CFAP68: variants seen among roughly 807,000 people sequenced by gnomAD.
CFAP68 encodes cilia and flagella associated protein 68.
chr11:111,881,129 A>G, the CFAP68 span: 2 of 1,054,960 alleles, frequency 1.9e-6, no homozygotes, highest in South Asian at 4.3e-5. Context: ...CTGGATGAAA[A>G]TTAAAGACAA....
the CFAP68 span, chr11:111,881,618 A>G: frequency 2.6e-6 from 4 of 1,531,378 alleles, no homozygotes; most frequent in South Asian, 3.6e-5. Flanking sequence ...CAGGAAAGGT[A>G]TCATCTTCCT....
At chr11:111,881,414 A>G in the CFAP68 span, 1 of 1,531,236 alleles carries the variant, frequency 6.5e-7, no homozygotes, top group Non-Finnish European at 8.7e-7. Context: ...GTGGAAAGGC[A>G]AGTGGGTGGT....
the CFAP68 span, chr11:111,885,300 A>G: frequency 6.6e-6 from 1 of 152,326 alleles, no homozygotes; most frequent in Non-Finnish European, 1.5e-5. Context: ...CAACATAGCA[A>G]GACCCCATCT....
the CFAP68 span, chr11:111,883,736 A>G: frequency 1.4e-6 from 2 of 1,459,996 alleles, no homozygotes; most frequent in Non-Finnish European, 1.9e-6. Flanking sequence ...GACTGTTTTC[A>G]TTTGTCTTTC....
At chr11:111,879,618 C>T in the CFAP68 span, 30 of 1,610,504 alleles carry the variant, frequency 1.9e-5, no homozygotes, top group South Asian at 2.5e-4. Context: ...GCTTAAATCT[C>T]CTATCTTCTA....
the CFAP68 span, chr11:111,882,393 CA>C: frequency 6.8e-5 from 110 of 1,613,984 alleles, no homozygotes; most frequent in Non-Finnish European, 8.9e-5. Context: ...TGTTTCCTCA[CA>C]AACCCACACT....
At chr11:111,880,124 T>C in the CFAP68 span, among the ~76,000 whole-genome samples, 8 of 152,176 alleles carry the variant, frequency 5.3e-5, no homozygotes, top group South Asian at 8.3e-4. Context: ...TACGTGGATA[T>C]ATTGCACCCA....
the CFAP68 span, chr11:111,883,836 T>C: frequency 6.2e-7 from 1 of 1,613,666 alleles, no homozygotes. Context: ...CCGATACAAA[T>C]GCACAGAAAA....
chr11:111,881,464 T>G, the CFAP68 span: 1 of 1,536,016 alleles, frequency 6.5e-7, no homozygotes, highest in Non-Finnish European at 8.7e-7. Context: ...GTAATCTGGG[T>G]GATTCTTTCT....
the CFAP68 span, chr11:111,884,689 A>T: frequency 6.6e-6 from 1 of 152,192 alleles, no homozygotes; most frequent in Non-Finnish European, 1.5e-5. Flanking sequence ...GTAACTTTTT[A>T]AAATTATTAT....
the CFAP68 span, chr11:111,879,582 T>C: frequency 6.2e-7 from 1 of 1,614,202 alleles, no homozygotes; most frequent in East Asian, 2.2e-5. Context: ...CCAGTGTCTC[T>C]GCTGCTCAAA....
At chr11:111,883,671 A>C in the CFAP68 span, 1 of 793,800 alleles carries the variant, frequency 1.3e-6, no homozygotes. Flanking sequence ...AACAGGACTT[A>C]CTGTCTATTC....
chr11:111,879,551 CT>C, the CFAP68 span: 1 of 1,614,090 alleles, frequency 6.2e-7, no homozygotes, highest in Non-Finnish European at 8.5e-7. Context: ...CTTTTTTCAC[CT>C]CGTCTGAAAT....
the CFAP68 span, chr11:111,880,968 A>G: frequency 5.6e-6 from 2 of 354,416 alleles, no homozygotes; most frequent in South Asian, 2.1e-5. Flanking sequence ...CTGTGGAGAA[A>G]GGTTTGGAGA....
the CFAP68 span, chr11:111,883,952 A>G: frequency 8.8e-6 from 10 of 1,135,868 alleles, no homozygotes; most frequent in Non-Finnish European, 1.3e-5. Flanking sequence ...CTAAGAAATG[A>G]TAAGATACTT....
At chr11:111,883,199 C>T in the CFAP68 span, 18 of 1,569,142 alleles carry the variant, frequency 1.1e-5, no homozygotes, top group African/African-American at 2.7e-5. Flanking sequence ...ACTTTCAACA[C>T]ATAGTACGTG....
chr11:111,881,239 A>AATAC, the CFAP68 span: 1 of 1,377,990 alleles, frequency 7.3e-7, no homozygotes, highest in Non-Finnish European at 9.4e-7. Flanking sequence ...CTAGATCTCC[A>AATAC]GTATGAGTAC....
chr11:111,883,841 A>G, the CFAP68 span: 1 of 1,613,256 alleles, frequency 6.2e-7, no homozygotes, highest in Non-Finnish European at 8.5e-7. Flanking sequence ...ACAAATGCAC[A>G]GAAAAGTCAA....
the CFAP68 span, among the ~76,000 whole-genome samples, chr11:111,883,518 G>A: frequency 2.0e-5 from 3 of 151,832 alleles, no homozygotes; most frequent in Non-Finnish European, 2.9e-5. Context: ...ACCTGAACCC[G>A]AGAGGTGGAG....
Sources: gnomAD v4.1 joint callset for allele counts (sites outside exome capture counted in the v4.1 genomes callset) on GRCh38, gnomAD v4.1.1 for gene constraint, MANE v1.5 for transcripts, NCBI Gene and HGNC (gene_info 2026-07-23, HGNC 2026-07-21) for gene names.